The following ADCY7 variants were observed in gnomAD, a reference collection of about 807,000 sequenced individuals.
The protein encoded by ADCY7 is adenylate cyclase type 7.
Under a neutral mutation model 120.6 loss-of-function variants are expected in ADCY7, and 72 were observed. That is an observed-to-expected ratio of 0.60 (90% confidence interval 0.49 to 0.73). The LOEUF is 0.73. ADCY7 is among the 30% of genes least tolerant of loss of function. ADCY7 has a pLI of 0.00. For missense variants in ADCY7, 1,227 were observed against 1,486.0 expected, an observed-to-expected ratio of 0.83 and a Z score of 2.87; for synonymous variants, 661 against 628.0, an observed-to-expected ratio of 1.05 and a Z score of -0.78.
chr16:50,314,891 G>GC, intron 24 of ADCY7, 123 bp from the exon 25 acceptor site: 4 of 1,378,446 alleles, frequency 2.9e-6, no homozygotes, highest in Non-Finnish European at 3.9e-6. Flanking sequence ...AAGCAACCCA[G>GC]CCTTCACTCT....
At chr16:50,263,378 C>G (rs2033109407), upstream of ADCY7, among the ~76,000 whole-genome samples, 1 of 152,060 alleles carries the variant, frequency 6.6e-6, no homozygotes, top group Non-Finnish European at 1.5e-5. Flanking sequence ...AGTGCTGAGG[C>G]TGCAGCAGGG....
intron 7 of ADCY7, 117 bp from the exon 8 acceptor site, chr16:50,298,787 G>A: frequency 6.9e-7 from 1 of 1,440,568 alleles, no homozygotes; most frequent in South Asian, 1.3e-5. Flanking sequence ...GACCCCAGGA[G>A]GCAAGCCCCC....
intron 1 of ADCY7, among the ~76,000 whole-genome samples, chr16:50,251,077 A>G (rs2032743488): frequency 6.6e-6 from 1 of 151,910 alleles, no homozygotes; most frequent in South Asian, 2.1e-4. Context: ...TCTTCCCAAA[A>G]AAAGAAAAAA....
At chr16:50,286,420 A>C (rs1596883974) in intron 1 of ADCY7, among the ~76,000 whole-genome samples, 3 of 99,130 alleles carry the variant, frequency 3.0e-5, no homozygotes, top group African/African-American at 3.8e-5. Context: ...ACAGAGTGAG[A>C]CCCCATCTCA....
In ADCY7 at chr16:50,314,082, GAA is replaced by G. The variant is rs1203298511; in HGVS notation, c.2856+22_2856+23del. The G allele has an allele frequency of 5.0e-6, 8 of 1,608,488 alleles. No homozygotes were observed. In the South Asian group the frequency reaches 8.8e-5, roughly 18 times the overall value. ...AACCAGGTACTCAAGCCCAAGAGGT[GAA>G]ATTCAGCTGACTGTCCTCACTTAAA... On this transcript the variant is annotated intron_variant, in intron 23 of 25. Transcript: ENST00000673801.
chr16:50,296,599 G>A (rs185712497), intron 7 of ADCY7, among the ~76,000 whole-genome samples: 1,540 of 152,022 alleles, frequency 0.01, 10 homozygotes, highest in Non-Finnish European at 0.016. Flanking sequence ...CTTGTGATCC[G>A]CCTGCCTCGA....
chr16:50,288,831 T>A lies in ADCY7; in HGVS notation c.171+481T>A, dbSNP rs77004875. 1.1e-3 allele frequency among the ~76,000 whole-genome samples: 160 copies of A among 152,268 alleles called. 2 individuals carry two copies. In the East Asian group the frequency reaches 0.027, roughly 26 times the overall value. ...ACTGGTAGAAGACAAGTTTCTAATT[T>A]AAAAAAATTTTTTTTGAGACTGGGC... On this transcript the variant is annotated intron_variant, in intron 2 of 25. Transcript: ENST00000673801.
At position 50,311,773 on chromosome 16, in the gene ADCY7, C is replaced by T. The variant is rs768796196; in HGVS notation, c.2435C>T (p.Thr812Ile). 2 of 1,334,562 alleles carry T rather than the reference C, an allele frequency of 1.5e-6. No individual in the cohort carries two copies. The highest frequency in any genetic ancestry group is 1.5e-5 in the African/African-American group (1 of 65,518). 82.7% of individuals were successfully genotyped at this position (1,334,562 alleles called of 1,614,324 possible). ...YLVLFYITLL[T>I]LSRQIDYYCR... ...GTCCTGTTCTACATCACCCTGCTTA[C>T]ACTCTCCAGACAGGTAAGGAGGCTG... Residue 812 changes from threonine to isoleucine, a missense_variant, in exon 20 of 26, where the codon ACA becomes ATA. This residue lies in a region of ADCY7 where 267 missense variants were observed against 270.0 expected (regional missense o/e 0.99). Transcript: ENST00000673801.
In ADCY7 at chr16:50,300,834, T is replaced by A; in HGVS notation, c.1196T>A (p.Val399Glu). 1 of 1,558,360 alleles carries A rather than the reference T, an allele frequency of 6.4e-7. No individual in the cohort carries two copies. The highest frequency in any genetic ancestry group is 8.7e-7 in the Non-Finnish European group (1 of 1,150,918). Reference protein sequence around the residue: ...KWQYDVWSHDVSLANRMEAAG... With the variant: ...KWQYDVWSHDESLANRMEAAG... The stretch of plus-strand genomic sequence containing the variant: ...CAGTATGACGTGTGGTCCCACGACG[T>A]GTCCCTGGCCAACCGGATGGAGGCA... The change falls in exon 9 of 26, where the codon GTG becomes GAG. Residue 399 changes from valine to glutamate, a missense_variant. By Grantham distance (121) the Val-to-Glu change is moderately radical. Coordinates refer to ENST00000673801, the MANE Select transcript of ADCY7 (RefSeq NM_001114.5).
intron 1 of ADCY7, among the ~76,000 whole-genome samples, chr16:50,257,458 C>A (rs2032947586): frequency 6.6e-6 from 1 of 152,074 alleles, no homozygotes; most frequent in East Asian, 1.9e-4. Context: ...AGGGTAATTT[C>A]AAATGTTTTC....
At chr16:50,315,333 G>A in intron 25 of ADCY7, 26 bp from the exon 26 acceptor site, 1 of 1,598,292 alleles carries the variant, frequency 6.3e-7, no homozygotes, top group African/African-American at 1.3e-5. Context: ...CGCCTCTGAA[G>A]ACAACAGGTC....
intron 1 of ADCY7, among the ~76,000 whole-genome samples, chr16:50,249,841 A>T (rs1467207009): frequency 1.3e-5 from 2 of 152,228 alleles, no homozygotes; most frequent in East Asian, 3.9e-4. Flanking sequence ...TGTGCACAGG[A>T]GGGTGCTCCT....
intron 1 of ADCY7, among the ~76,000 whole-genome samples, chr16:50,278,934 C>T (rs1040743141): frequency 6.7e-6 from 1 of 149,668 alleles, no homozygotes; most frequent in Non-Finnish European, 1.5e-5. Context: ...TACAGTGGTG[C>T]AATCCCATCT....
chr16:50,311,805 C>CCA lies in ADCY7; in HGVS notation c.2448+20_2448+21insAC. On this transcript the variant is annotated intron_variant, in intron 20 of 25. Coordinates refer to ENST00000673801, the MANE Select transcript of ADCY7 (RefSeq NM_001114.5). ...CAGACAGGTAAGGAGGCTGGCCCCC[C>CCA]CCCCCCCCCCAAGCTCTGCCCACTT... 2 of 1,310,752 alleles carry CCA rather than the reference C, an allele frequency of 1.5e-6. No homozygotes were observed. The highest frequency in any genetic ancestry group is 1.0e-6 in the Non-Finnish European group (1 of 965,068). 81.2% of individuals were successfully genotyped at this position (1,310,752 alleles called of 1,614,324 possible).
At position 50,293,458 on chromosome 16, in the gene ADCY7, C is replaced by G; in HGVS notation, c.792C>G (p.Asp264Glu). The G allele has an allele frequency of 6.2e-7, 1 of 1,614,034 alleles. No homozygotes were observed. Among genetic ancestry groups the G allele is most frequent in the Non-Finnish European group, 8.5e-7 (1 of 1,180,024 alleles). Residue 264 changes from aspartate to glutamate, a missense_variant, in exon 6 of 26, where the codon GAC (aspartate) becomes GAG (glutamate). Coordinates refer to ENST00000673801, the MANE Select transcript of ADCY7 (RefSeq NM_001114.5). Reference sequence around the variant, plus strand: ...ATGGTGACCGTCGCTGCATGCCTGACAACAACTTCCACAGCCTCTACGTCA... The same window carrying G: ...ATGGTGACCGTCGCTGCATGCCTGAGAACAACTTCCACAGCCTCTACGTCA... The part of the protein sequence containing the change: ...KEHGDRRCMP[D>E]NNFHSLYVKR...
intron 7 of ADCY7, among the ~76,000 whole-genome samples, chr16:50,298,638 A>G (rs1158389402): frequency 2.6e-5 from 4 of 152,164 alleles, no homozygotes; most frequent in East Asian, 3.9e-4. Flanking sequence ...ACCTGGGCAA[A>G]TGAAACCAAG....
chr16:50,281,884 T>A (rs558539264), intron 1 of ADCY7, among the ~76,000 whole-genome samples: 1 of 152,084 alleles, frequency 6.6e-6, no homozygotes, highest in Non-Finnish European at 1.5e-5. Context: ...CGCGTTAATA[T>A]GAGATTCCCT....
intron 1 of ADCY7, among the ~76,000 whole-genome samples, chr16:50,251,003 G>A (rs62028300): frequency 0.36 from 54,605 of 151,990 alleles, 10,193 homozygotes; most frequent in East Asian, 0.51. Context: ...GGGAGGCCAA[G>A]GTAGGAGGAA....
chr16:50,296,447 C>T (rs1401717700), intron 7 of ADCY7, among the ~76,000 whole-genome samples: 1 of 151,602 alleles, frequency 6.6e-6, no homozygotes, highest in African/African-American at 2.4e-5. Flanking sequence ...GCAAGCTCCG[C>T]CTCCCGGGTT....
Sources: gnomAD v4.1 joint callset for allele counts (sites outside exome capture counted in the v4.1 genomes callset) on GRCh38, gnomAD v4.1.1 for gene constraint, gnomAD v4.1.1 regional missense constraint, MANE v1.5 for transcripts, NCBI Gene and HGNC (gene_info 2026-07-23, HGNC 2026-07-21) for gene names.